KCNC2: variants seen among roughly 807,000 people sequenced by gnomAD.
KCNC2 encodes voltage-gated potassium channel KCNC2.
A neutral mutation model predicts 44.5 loss-of-function variants in KCNC2; 21 were observed. The observed-to-expected ratio is 0.47, with a 90% CI of 0.33 to 0.68. The LOEUF is 0.68. KCNC2 is among the 30% of genes least tolerant of loss of function. KCNC2 has a pLI of 0.01. For synonymous variants in KCNC2, 391 were observed against 339.1 expected, an observed-to-expected ratio of 1.15 and a Z score of -1.68; for missense variants, 589 against 826.2, an observed-to-expected ratio of 0.71 and a Z score of 3.52.
intron 2 of KCNC2, among the ~76,000 whole-genome samples, chr12:75,204,465 T>C (rs2031528275): frequency 6.6e-6 from 1 of 151,972 alleles, no homozygotes; most frequent in Non-Finnish European, 1.5e-5. Context: ...AAAAAGAAAA[T>C]TGTGAAACAG....
chr12:75,042,939 A>G lies in KCNC2; in HGVS notation c.*166T>C. ...AATCTTTAAAGCCTGGGTAAGATTC[A>G]TTAGCTACCCAAGTGGCATTTCTGA... On this transcript the variant is annotated 3_prime_UTR_variant, in exon 5 of 5. Coordinates refer to ENST00000549446, the MANE Select transcript of KCNC2 (RefSeq NM_139137.4). 2 of 1,408,280 alleles carry G rather than the reference A, an allele frequency of 1.4e-6. No homozygotes were observed. Among genetic ancestry groups the G allele is most frequent in the East Asian group, 2.6e-5 (1 of 38,978 alleles). The allele number at this position is 1,408,280 out of a possible 1,614,324, so 87.2% of individuals were successfully genotyped here.
intron 2 of KCNC2, among the ~76,000 whole-genome samples, chr12:75,066,163 CT>C (rs1255599391): frequency 1.3e-5 from 2 of 152,046 alleles, no homozygotes; most frequent in Non-Finnish European, 2.9e-5. Context: ...TTATTTAGCA[CT>C]ATTTTTTATA....
intron 2 of KCNC2, among the ~76,000 whole-genome samples, chr12:75,203,211 T>C (rs1038417183): frequency 6.6e-6 from 1 of 151,822 alleles, no homozygotes; most frequent in African/African-American, 2.4e-5. Flanking sequence ...CATTTAATAC[T>C]AGCAAATGTT....
chr12:75,057,777 A>G (rs375488542), intron 2 of KCNC2, among the ~76,000 whole-genome samples: 1 of 151,978 alleles, frequency 6.6e-6, no homozygotes, highest in African/African-American at 2.4e-5. Flanking sequence ...ATAAAACAAT[A>G]TAACATTCAC....
chr12:75,166,444 TAA>T (rs139018178), intron 2 of KCNC2, among the ~76,000 whole-genome samples: 3 of 140,508 alleles, frequency 2.1e-5, no homozygotes, highest in Non-Finnish European at 3.1e-5. Context: ...TCGAATGATC[TAA>T]AAAAAAAAAA....
At chr12:75,061,403 GCAGT>G (rs1449578964) in intron 2 of KCNC2, among the ~76,000 whole-genome samples, 1 of 152,034 alleles carries the variant, frequency 6.6e-6, no homozygotes, top group African/African-American at 2.4e-5. Flanking sequence ...GGAGAGATTA[GCAGT>G]CAATTTATGC....
intron 2 of KCNC2, among the ~76,000 whole-genome samples, chr12:75,100,365 T>A (rs1886277628): frequency 6.6e-6 from 1 of 152,064 alleles, no homozygotes; most frequent in Non-Finnish European, 1.5e-5. Flanking sequence ...GAGACCTAAC[T>A]CCTTATTATC....
chr12:75,149,235 A>G (rs1890228856), intron 2 of KCNC2, among the ~76,000 whole-genome samples: 1 of 151,524 alleles, frequency 6.6e-6, no homozygotes, highest in Non-Finnish European at 1.5e-5. Context: ...TATGTAATTT[A>G]TTTTGTAGTT....
At chr12:75,195,885 G>C (rs555683128) in intron 2 of KCNC2, among the ~76,000 whole-genome samples, 4 of 152,020 alleles carry the variant, frequency 2.6e-5, no homozygotes, top group Admixed American at 6.6e-5. Context: ...CCAACCTCAG[G>C]GACTGTCTCC....
At chr12:75,186,212 C>T (rs1892937958) in intron 2 of KCNC2, among the ~76,000 whole-genome samples, 1 of 151,800 alleles carries the variant, frequency 6.6e-6, no homozygotes, top group African/African-American at 2.4e-5. Context: ...CTCTGAGGCG[C>T]CTTCTTGGAG....
chr12:75,138,235 A>C (rs1178334630), intron 2 of KCNC2, among the ~76,000 whole-genome samples: 4 of 152,184 alleles, frequency 2.6e-5, no homozygotes, highest in Non-Finnish European at 4.4e-5. Context: ...ATCCACTGTA[A>C]ACAGAACCAT....
intron 2 of KCNC2, among the ~76,000 whole-genome samples, chr12:75,119,929 A>T (rs73355608): frequency 0.01 from 1,552 of 152,330 alleles, 27 homozygotes; most frequent in African/African-American, 0.036. Context: ...TCTGATAATA[A>T]TTCTGATTAT....
At chr12:75,059,784 A>G (rs1282769846) in intron 2 of KCNC2, among the ~76,000 whole-genome samples, 1 of 152,130 alleles carries the variant, frequency 6.6e-6, no homozygotes, top group African/African-American at 2.4e-5. Context: ...TATGTAAATA[A>G]ATTTTTTAAT....
intron 2 of KCNC2, among the ~76,000 whole-genome samples, chr12:75,065,423 G>C (rs1423624279): frequency 6.6e-6 from 1 of 152,012 alleles, no homozygotes; most frequent in African/African-American, 2.4e-5. Context: ...TTAACTTAGA[G>C]TTAAATGTTC....
chr12:75,106,446 A>G (rs1016083222), intron 2 of KCNC2, among the ~76,000 whole-genome samples: 1 of 152,226 alleles, frequency 6.6e-6, no homozygotes, highest in African/African-American at 2.4e-5. Context: ...ATGATCCCCA[A>G]GAGGGAATGA....
At chr12:75,116,713 G>A (rs915172002) in intron 2 of KCNC2, among the ~76,000 whole-genome samples, 1 of 152,102 alleles carries the variant, frequency 6.6e-6, no homozygotes, top group Non-Finnish European at 1.5e-5. Flanking sequence ...TGATTAAAAC[G>A]ATGCCATTCC....
At chr12:75,107,115 T>C (rs1189680455) in intron 2 of KCNC2, among the ~76,000 whole-genome samples, 1 of 152,036 alleles carries the variant, frequency 6.6e-6, no homozygotes, top group Non-Finnish European at 1.5e-5. Flanking sequence ...CCATCCTAGC[T>C]AACATGGTGA....
intron 4 of KCNC2, among the ~76,000 whole-genome samples, chr12:75,044,047 C>G (rs1565802940): frequency 6.6e-6 from 1 of 151,890 alleles, no homozygotes. Context: ...ATAAAAGATG[C>G]TCTCATAAAC....
chr12:75,208,116 C>A lies in KCNC2; in HGVS notation c.-19-114G>T, dbSNP rs776156295. The A allele has an allele frequency of 1.2e-4, 148 of 1,256,864 alleles. 1 individual carries two copies. Among genetic ancestry groups the A allele is most frequent in the African/African-American group, 3.1e-5 (2 of 64,828 alleles). The allele number at this position is 1,256,864 out of a possible 1,614,324, so 77.9% of individuals were successfully genotyped here. On this transcript the variant is annotated intron_variant, in intron 1 of 4. Coordinates refer to ENST00000549446, the MANE Select transcript of KCNC2 (RefSeq NM_139137.4). ...GGGATGCAGAGTTGGCAGACAGGCA[C>A]GGGGCAAAGACCCTCCCCGGGAGGG...
Sources: allele counts gnomAD v4.1 joint callset (sites outside exome capture counted in the v4.1 genomes callset), GRCh38; gene constraint gnomAD v4.1.1; transcripts MANE v1.5; gene names NCBI Gene and HGNC (gene_info 2026-07-23, HGNC 2026-07-21).